Variants in CYTH3 observed in about 807,000 individuals in gnomAD.
CYTH3 encodes cytohesin-3.
A neutral mutation model predicts 55.1 loss-of-function variants in CYTH3; 23 were observed. That is an observed-to-expected ratio of 0.42 (90% CI 0.30 to 0.59). The LOEUF (loss-of-function observed/expected upper bound fraction) is 0.59. Ranked by LOEUF, CYTH3 falls within the 20% of genes least tolerant of loss-of-function variation. The probability of loss-of-function intolerance (pLI) is 0.20; values close to 1 mark genes in which losing one functional copy is unlikely to be tolerated. For synonymous variants in CYTH3, 249 were observed against 194.9 expected (o/e 1.28, Z -2.31); for missense variants, 413 against 524.8 (o/e 0.79, Z 2.08).
chr7:6,201,930 GAAC>G (rs1457509386), intron 1 of CYTH3, among the ~76,000 whole-genome samples: 1 of 152,048 alleles, frequency 6.6e-6, no homozygotes, highest in Non-Finnish European at 1.5e-5. Flanking sequence ...GAGAAACACA[GAAC>G]AACTGTTAGA....
intron 4 of CYTH3, among the ~76,000 whole-genome samples, chr7:6,180,694 A>G (rs1428606313): frequency 6.6e-6 from 1 of 152,252 alleles, no homozygotes; most frequent in Non-Finnish European, 1.5e-5. Context: ...CATAAAAGAA[A>G]GTGAGTGTTC....
chr7:6,227,444 G>T (rs979518881), intron 1 of CYTH3, among the ~76,000 whole-genome samples: 26 of 152,030 alleles, frequency 1.7e-4, no homozygotes, highest in Non-Finnish European at 2.4e-4. Context: ...AAATTCAACA[G>T]CCCTTCCTGA....
chr7:6,166,290 G>C (rs546197382), intron 9 of CYTH3, among the ~76,000 whole-genome samples: 2 of 152,230 alleles, frequency 1.3e-5, no homozygotes. Context: ...ACGTGCACAC[G>C]CACGTACCCC....
At chr7:6,185,512 C>CG in intron 4 of CYTH3, among the ~76,000 whole-genome samples, 1 of 152,078 alleles carries the variant, frequency 6.6e-6, no homozygotes, top group East Asian at 1.9e-4. Flanking sequence ...CTAGCTAACA[C>CG]AGTGAAACCC....
In CYTH3 at chr7:6,165,263, C is replaced by T. The variant is rs776991331; in HGVS notation, c.1127+10G>A. On this transcript the variant is annotated intron_variant, in intron 12 of 12. Transcript: ENST00000350796. ...GACGGGCCTGGCCCCGCCCCCGAGG[C>T]CCCACTCACTTGATGGATTTCATCC... 1.2e-6 allele frequency: 2 copies of T among 1,606,134 alleles called. No homozygotes were observed. The highest frequency in any genetic ancestry group is 4.5e-5 in the East Asian group (2 of 44,784).
intron 1 of CYTH3, among the ~76,000 whole-genome samples, chr7:6,229,335 A>C (rs750769468): frequency 2.0e-5 from 3 of 152,130 alleles, no homozygotes; most frequent in Non-Finnish European, 4.4e-5. Context: ...ATTATACTTC[A>C]CTGATATCAG....
At chr7:6,220,996 C>CAA (rs140892793) in intron 1 of CYTH3, among the ~76,000 whole-genome samples, 4 of 146,280 alleles carry the variant, frequency 2.7e-5, no homozygotes, top group Admixed American at 1.4e-4. Flanking sequence ...ACCCCTTCTC[C>CAA]AAAAAAAAAA....
chr7:6,183,258 C>T (rs1477950234), intron 4 of CYTH3, among the ~76,000 whole-genome samples: 1 of 152,246 alleles, frequency 6.6e-6, no homozygotes, highest in Non-Finnish European at 1.5e-5. Context: ...CTGCTCTTGC[C>T]GCCCCCGGCA....
chr7:6,174,539 GTTTTTTTTTT>G (rs760279977), intron 5 of CYTH3, among the ~76,000 whole-genome samples: 7 of 89,806 alleles, frequency 7.8e-5, no homozygotes, highest in South Asian at 6.7e-4. Context: ...CTCCTTGTGG[GTTTTTTTTTT>G]TTTTTTTTTT....
rs116268344 is a variant in CYTH3 at position 6,220,649 on chromosome 7, G to A, written c.35-30118C>T. Among the ~76,000 whole-genome samples, 924 of 151,608 alleles carry A rather than the reference G, an allele frequency of 6.1e-3. 5 individuals are homozygous for A. The highest frequency in any genetic ancestry group is 0.021 in the African/African-American group (875 of 41,360). On this transcript the variant is annotated intron_variant, in intron 1 of 12. Coordinates refer to ENST00000350796, the MANE Select transcript of CYTH3 (RefSeq NM_004227.4). ...TGGATCTTTCATACATTGCTGGTGG[G>A]AACATAAAATGTTATAGCCCTCCGG...
At chr7:6,176,993 T>C (rs1783368926) in intron 5 of CYTH3, among the ~76,000 whole-genome samples, 1 of 152,278 alleles carries the variant, frequency 6.6e-6, no homozygotes, top group Non-Finnish European at 1.5e-5. Flanking sequence ...TTGTCCTTTA[T>C]GTGAAAGATA....
intron 1 of CYTH3, among the ~76,000 whole-genome samples, chr7:6,191,560 AT>A (rs1467809292): frequency 3.4e-5 from 5 of 145,572 alleles, no homozygotes; most frequent in South Asian, 2.2e-4. Context: ...ATACAGGAGA[AT>A]TTTTTTTATA....
At chr7:6,272,410 G>GGGGGGGGGCGCC in intron 1 of CYTH3, 64 bp downstream of exon 1, 1 of 1,216,618 alleles carries the variant, frequency 8.2e-7, no homozygotes, top group Non-Finnish European at 1.1e-6. Flanking sequence ...CCGCGCCCTC[G>GGGGGGGGGCGCC]ACCCCCAGCC....
intron 4 of CYTH3, among the ~76,000 whole-genome samples, chr7:6,186,115 G>A (rs1310411705): frequency 6.6e-6 from 1 of 151,816 alleles, no homozygotes. Flanking sequence ...GTGGTGGCGG[G>A]CGCCTGTAGT....
intron 1 of CYTH3, among the ~76,000 whole-genome samples, chr7:6,255,796 C>T (rs1478715100): frequency 1.4e-5 from 2 of 143,386 alleles, no homozygotes; most frequent in East Asian, 4.0e-4. Flanking sequence ...TGGAATCTCC[C>T]TCTGTCACCC....
At chr7:6,196,246 C>G (rs571827456) in intron 1 of CYTH3, among the ~76,000 whole-genome samples, 1 of 151,896 alleles carries the variant, frequency 6.6e-6, no homozygotes, top group South Asian at 2.1e-4. Context: ...CCACACTTAG[C>G]GTTGAAGGAG....
intron 1 of CYTH3, among the ~76,000 whole-genome samples, chr7:6,210,467 A>C (rs1784297921): frequency 6.6e-6 from 1 of 152,256 alleles, no homozygotes; most frequent in Non-Finnish European, 1.5e-5. Context: ...CTACCATGTC[A>C]AGGAGACGTC....
At chr7:6,267,880 C>G (rs142566641) in intron 1 of CYTH3, among the ~76,000 whole-genome samples, 1 of 152,232 alleles carries the variant, frequency 6.6e-6, no homozygotes, top group East Asian at 1.9e-4. Context: ...ATTTTCTTAC[C>G]ATCATACTAT....
In CYTH3 at chr7:6,248,426, T is replaced by C. The variant is rs78826025; in HGVS notation, c.34+24048A>G. ...GGGAACGTCAGCTCTGGGAGCCTCC[T>C]TCTCTGAGCCTATCGTGTTGCTTTT... is the stretch of plus-strand genomic sequence containing the variant. On this transcript the variant is annotated intron_variant, in intron 1 of 12. Transcript: ENST00000350796. Among the ~76,000 whole-genome samples the C allele has an allele frequency of 3.3e-3, 508 of 152,272 alleles. 7 individuals carry two copies. The highest frequency in any genetic ancestry group is 0.02 in the East Asian group (104 of 5,176).
Sources: allele counts gnomAD v4.1 joint callset (sites outside exome capture counted in the v4.1 genomes callset), GRCh38; gene constraint gnomAD v4.1.1; transcripts MANE v1.5; gene names NCBI Gene and HGNC (gene_info 2026-07-23, HGNC 2026-07-21).